Variants in PTPRG observed in about 807,000 individuals in gnomAD.
The protein encoded by PTPRG is receptor-type tyrosine-protein phosphatase gamma.
In PTPRG, 102 loss-of-function variants were observed where a neutral mutation model predicts 165.3. The observed-to-expected ratio is 0.62, with a 90% CI of 0.53 to 0.73. PTPRG has a LOEUF of 0.73. PTPRG is among the 30% of genes least tolerant of loss of function. The pLI is 0.00. For synonymous variants in PTPRG, 675 were observed against 669.5 expected (o/e 1.01, Z -0.13); for missense variants, 1,866 against 1,861.4 (o/e 1.00, Z -0.05).
intron 4 of PTPRG, among the ~76,000 whole-genome samples, chr3:62,046,161 A>G (rs1201971149): frequency 6.6e-6 from 1 of 152,200 alleles, no homozygotes; most frequent in Admixed American, 6.5e-5. Flanking sequence ...CTTCCACAGA[A>G]GGCCAGTTAT....
At chr3:62,028,073 C>T (rs1162008683) in intron 4 of PTPRG, among the ~76,000 whole-genome samples, 4 of 152,122 alleles carry the variant, frequency 2.6e-5, no homozygotes, top group Non-Finnish European at 5.9e-5. Context: ...TCAAAGCATC[C>T]ATTAATTACT....
At chr3:61,721,396 G>A (rs188691280) in intron 1 of PTPRG, among the ~76,000 whole-genome samples, 16 of 152,240 alleles carry the variant, frequency 1.1e-4, no homozygotes, top group Admixed American at 8.5e-4. Flanking sequence ...ACTCAAAGAT[G>A]TACCATTCAC....
At chr3:61,681,054 TAAAAAAAA>T (rs61198100) in intron 1 of PTPRG, among the ~76,000 whole-genome samples, 1 of 66,104 alleles carries the variant, frequency 1.5e-5, no homozygotes, top group Non-Finnish European at 2.9e-5. Context: ...CTTTATGTTC[TAAAAAAAA>T]AAAAAAAAAA....
Position 62,281,721 on chromosome 3 carries a change from C to G in PTPRG, c.3912+12C>G. On this transcript the variant is annotated intron_variant, in intron 27 of 29. Transcript: ENST00000474889. ...TTGAAGCTACACAGGTAACCTAAAC[C>G]TCAGTTCCTCACTAATAGCCATACC... The G allele has an allele frequency of 6.2e-7, 1 of 1,604,844 alleles. No homozygotes were observed. Among genetic ancestry groups the G allele is most frequent in the Non-Finnish European group, 8.5e-7 (1 of 1,175,052 alleles).
intron 2 of PTPRG, among the ~76,000 whole-genome samples, chr3:61,861,939 A>G (rs900299592): frequency 2.6e-5 from 4 of 152,178 alleles, no homozygotes; most frequent in African/African-American, 9.7e-5. Context: ...GAATTAAGAT[A>G]TGACACAAGC....
intron 1 of PTPRG, among the ~76,000 whole-genome samples, chr3:61,589,399 TA>T (rs1368201540): frequency 1.6e-4 from 25 of 152,330 alleles, no homozygotes; most frequent in African/African-American, 6.0e-4. Flanking sequence ...TATATTAATT[TA>T]ATCTTTGCCC....
At chr3:61,866,137 C>A (rs1022380205) in intron 2 of PTPRG, among the ~76,000 whole-genome samples, 1 of 152,194 alleles carries the variant, frequency 6.6e-6, no homozygotes, top group African/African-American at 2.4e-5. Context: ...AGTCATGCAG[C>A]ACCGGTCCTC....
chr3:61,646,166 C>T (rs969287845), intron 1 of PTPRG, among the ~76,000 whole-genome samples: 3 of 152,084 alleles, frequency 2.0e-5, no homozygotes, highest in South Asian at 2.1e-4. Flanking sequence ...AGTGCAGTGG[C>T]GCAGTCTTGG....
chr3:62,188,328 T>G (rs1576113056), intron 8 of PTPRG, among the ~76,000 whole-genome samples: 1 of 152,174 alleles, frequency 6.6e-6, no homozygotes, highest in African/African-American at 2.4e-5. Context: ...TGAGCCATGA[T>G]CCAGCCACTG....
chr3:62,192,527 G>C (rs1553648218), intron 9 of PTPRG, among the ~76,000 whole-genome samples: 1 of 145,240 alleles, frequency 6.9e-6, no homozygotes, highest in Non-Finnish European at 1.5e-5. Context: ...TCCTGCCTCA[G>C]CCTCCCAAGT....
intron 4 of PTPRG, among the ~76,000 whole-genome samples, chr3:62,015,849 T>C (rs975068244): frequency 3.3e-5 from 5 of 152,288 alleles, no homozygotes; most frequent in African/African-American, 1.2e-4. Context: ...CATGTTGATG[T>C]TATCTCAGGG....
chr3:61,667,654 TGTCA>T (rs796289778), intron 1 of PTPRG, among the ~76,000 whole-genome samples: 29 of 152,194 alleles, frequency 1.9e-4, no homozygotes, highest in African/African-American at 6.7e-4. Context: ...GGCTAATAAA[TGTCA>T]GTCTTGCCTG....
chr3:61,855,449 T>A (rs1364554744), intron 2 of PTPRG, among the ~76,000 whole-genome samples: 1 of 152,088 alleles, frequency 6.6e-6, no homozygotes, highest in East Asian at 1.9e-4. Context: ...AGTCTGGTGG[T>A]TTTCAAAGTG....
At chr3:61,968,441 A>T (rs1418505701) in intron 2 of PTPRG, among the ~76,000 whole-genome samples, 1 of 152,000 alleles carries the variant, frequency 6.6e-6, no homozygotes, top group Non-Finnish European at 1.5e-5. Context: ...GCTGAGTTGG[A>T]TTTTCTTAGG....
intron 2 of PTPRG, among the ~76,000 whole-genome samples, chr3:61,752,426 C>G (rs141027294): frequency 2.4e-4 from 36 of 152,176 alleles, no homozygotes; most frequent in East Asian, 1.5e-3. Flanking sequence ...TGTTGAATAT[C>G]TAGTAATATT....
intron 3 of PTPRG, among the ~76,000 whole-genome samples, chr3:61,991,229 G>T (rs113266718): frequency 6.6e-6 from 1 of 152,056 alleles, no homozygotes; most frequent in African/African-American, 2.4e-5. Flanking sequence ...TTTTTGAGAC[G>T]GAGTCTCACT....
chr3:61,863,426 T>C lies in PTPRG; in HGVS notation c.190+114444T>C, dbSNP rs145360566. Among the ~76,000 whole-genome samples the C allele has an allele frequency of 7.2e-5, 11 of 152,308 alleles. No homozygotes were observed. In the East Asian group the frequency reaches 2.1e-3, roughly 29 times the overall value. On this transcript the variant is annotated intron_variant, in intron 2 of 29. Transcript: ENST00000474889. Reference sequence around the variant, plus strand: ...GTATTAGATAGGGAAAAAAAACTAGTGGAAATTGAATTGCTTAAACTTTGG... The same window carrying C: ...GTATTAGATAGGGAAAAAAAACTAGCGGAAATTGAATTGCTTAAACTTTGG...
chr3:61,715,904 C>T (rs1296597850), intron 1 of PTPRG, among the ~76,000 whole-genome samples: 2 of 151,430 alleles, frequency 1.3e-5, no homozygotes, highest in Admixed American at 1.3e-4. Flanking sequence ...GAAGTGAGTG[C>T]TAACTCTGTA....
At chr3:61,623,960 C>G (rs1425350139) in intron 1 of PTPRG, among the ~76,000 whole-genome samples, 4 of 152,156 alleles carry the variant, frequency 2.6e-5, no homozygotes, top group Non-Finnish European at 5.9e-5. Context: ...GAAGGCATAT[C>G]CAAAGTTCTG....
Sources: gnomAD v4.1 joint callset for allele counts (sites outside exome capture counted in the v4.1 genomes callset) on GRCh38, gnomAD v4.1.1 for gene constraint, MANE v1.5 for transcripts, NCBI Gene and HGNC (gene_info 2026-07-23, HGNC 2026-07-21) for gene names.